Variants in GPC6 observed in about 807,000 individuals in gnomAD.
GPC6 encodes the protein glypican 6.
Under a neutral mutation model 55.2 loss-of-function variants are expected in GPC6, and 14 were observed. That is an observed-to-expected ratio of 0.25 (90% CI 0.17 to 0.40). The LOEUF is 0.40. GPC6 is among the 10% of genes least tolerant of loss of function. GPC6 has a pLI of 1.00. For synonymous variants in GPC6, 278 were observed against 259.6 expected, an observed-to-expected ratio of 1.07 and a Z score of -0.68; for missense variants, 641 against 708.5, an observed-to-expected ratio of 0.90 and a Z score of 1.08.
chr13:93,790,652 T>G (rs1338894925), intron 2 of GPC6, among the ~76,000 whole-genome samples: 2 of 152,164 alleles, frequency 1.3e-5, no homozygotes, highest in Non-Finnish European at 2.9e-5. Flanking sequence ...GCCTAATGTA[T>G]CCTCAAGATA....
intron 2 of GPC6, among the ~76,000 whole-genome samples, chr13:93,601,213 G>T (rs1324091441): frequency 1.3e-5 from 2 of 151,554 alleles, no homozygotes; most frequent in Non-Finnish European, 2.9e-5. Context: ...GAGAAACCTC[G>T]TCTCTACTGA....
At chr13:93,639,354 T>C (rs1594333165) in intron 2 of GPC6, among the ~76,000 whole-genome samples, 1 of 151,830 alleles carries the variant, frequency 6.6e-6, no homozygotes, top group Non-Finnish European at 1.5e-5. Context: ...GTTGGAGGAG[T>C]TGTATGAAAT....
At chr13:93,548,398 C>A (rs1381439762) in intron 2 of GPC6, among the ~76,000 whole-genome samples, 2 of 152,102 alleles carry the variant, frequency 1.3e-5, no homozygotes, top group African/African-American at 4.8e-5. Flanking sequence ...GTGATCCAGT[C>A]CAAGATATAT....
chr13:93,812,142 T>TG (rs35966772), intron 2 of GPC6, among the ~76,000 whole-genome samples: 2,493 of 73,566 alleles, frequency 0.034, 52 homozygotes, highest in Admixed American at 0.054. Context: ...TGCAAGGCGG[T>TG]GGGGGGGGGG....
At chr13:93,312,317 G>T (rs1235109779) in intron 1 of GPC6, among the ~76,000 whole-genome samples, 1 of 152,088 alleles carries the variant, frequency 6.6e-6, no homozygotes, top group Non-Finnish European at 1.5e-5. Context: ...TATGTCCTGT[G>T]TATATAGTGT....
chr13:94,139,121 T>C (rs1397191468), intron 4 of GPC6, among the ~76,000 whole-genome samples: 20 of 150,926 alleles, frequency 1.3e-4, no homozygotes, highest in Admixed American at 1.3e-3. Flanking sequence ...GAGAGGGTGA[T>C]AGACAGGAGA....
intron 1 of GPC6, among the ~76,000 whole-genome samples, chr13:93,347,409 CATAGCCCTATCATAAA>C (rs1177435708): frequency 6.6e-6 from 1 of 152,088 alleles, no homozygotes; most frequent in Non-Finnish European, 1.5e-5. Flanking sequence ...ATGTGAAATG[CATAGCCCTATCATAAA>C]ACATGTGGTG....
chr13:93,558,439 A>T (rs892262408), intron 2 of GPC6, among the ~76,000 whole-genome samples: 6 of 152,218 alleles, frequency 3.9e-5, no homozygotes, highest in African/African-American at 1.4e-4. Context: ...CAAGAAGACT[A>T]TAAATGGCTT....
At chr13:93,882,141 T>A (rs1184673794) in intron 3 of GPC6, among the ~76,000 whole-genome samples, 1 of 151,822 alleles carries the variant, frequency 6.6e-6, no homozygotes, top group Non-Finnish European at 1.5e-5. Flanking sequence ...TTTTTGTTTT[T>A]GTTTTATTTT....
intron 3 of GPC6, among the ~76,000 whole-genome samples, chr13:93,960,815 C>CTTTTTT (rs58063943): frequency 5.7e-5 from 7 of 122,250 alleles, no homozygotes; most frequent in East Asian, 2.3e-4. Context: ...TTTTTTTTTT[C>CTTTTTT]TTTTTTTTTT....
At chr13:93,977,518 G>A (rs1247051891) in intron 3 of GPC6, among the ~76,000 whole-genome samples, 1 of 93,148 alleles carries the variant, frequency 1.1e-5, no homozygotes, top group African/African-American at 3.5e-5. Context: ...GTGTGTGTGT[G>A]GTGTGTCTTT....
intron 2 of GPC6, among the ~76,000 whole-genome samples, chr13:93,554,931 G>A (rs1017271279): frequency 6.6e-6 from 1 of 152,106 alleles, no homozygotes; most frequent in African/African-American, 2.4e-5. Context: ...AAATATTCTT[G>A]GGAAAACTAT....
chr13:93,551,094 T>A (rs1375555124), intron 2 of GPC6, among the ~76,000 whole-genome samples: 1 of 152,144 alleles, frequency 6.6e-6, no homozygotes, highest in Non-Finnish European at 1.5e-5. Context: ...AAGAATGTCT[T>A]AAGATTATGA....
At chr13:94,207,423 T>G (rs1250447393) in intron 4 of GPC6, among the ~76,000 whole-genome samples, 1 of 152,154 alleles carries the variant, frequency 6.6e-6, no homozygotes, top group African/African-American at 2.4e-5. Flanking sequence ...AGGAAGAAAC[T>G]GAGGTTCATA....
chr13:93,950,473 A>G (rs920661554), intron 3 of GPC6, among the ~76,000 whole-genome samples: 5 of 152,204 alleles, frequency 3.3e-5, no homozygotes, highest in African/African-American at 1.2e-4. Context: ...TAAGAATTCT[A>G]CAGGTCCTTC....
In GPC6 at chr13:93,590,651, T is replaced by C. The variant is rs556674162; in HGVS notation, c.319+45230T>C. On this transcript the variant is annotated intron_variant, in intron 2 of 8. Transcript: ENST00000377047. ...ACTTACTAAATATTTTCAAGAGATATGCATATACAATTATGTCAGTTACTT... is the reference window on the plus strand; with the variant it reads ...ACTTACTAAATATTTTCAAGAGATACGCATATACAATTATGTCAGTTACTT... Among the ~76,000 whole-genome samples the C allele has an allele frequency of 2.0e-5, 3 of 152,156 alleles. No homozygotes were observed. In the South Asian group the frequency reaches 6.2e-4, roughly 32 times the overall value.
At chr13:93,748,503 G>A (rs952379320) in intron 2 of GPC6, among the ~76,000 whole-genome samples, 2 of 151,808 alleles carry the variant, frequency 1.3e-5, no homozygotes, top group African/African-American at 4.8e-5. Context: ...TTGCAAAATA[G>A]TATACAACAT....
At chr13:94,257,853 CAA>C (rs1172634270) in intron 4 of GPC6, among the ~76,000 whole-genome samples, 2 of 152,162 alleles carry the variant, frequency 1.3e-5, no homozygotes, top group Non-Finnish European at 2.9e-5. Flanking sequence ...GATAGACTAA[CAA>C]GAGACAGACA....
chr13:93,365,330 A>G (rs923817588), intron 1 of GPC6, among the ~76,000 whole-genome samples: 2 of 152,064 alleles, frequency 1.3e-5, no homozygotes, highest in African/African-American at 4.8e-5. Flanking sequence ...AAGTTTGATC[A>G]ACCTGATTTG....
Sources: allele counts gnomAD v4.1 joint callset (sites outside exome capture counted in the v4.1 genomes callset), GRCh38; gene constraint gnomAD v4.1.1; transcripts MANE v1.5; gene names NCBI Gene and HGNC (gene_info 2026-07-23, HGNC 2026-07-21).